The following SV2B variants were observed in gnomAD, a reference collection of about 807,000 sequenced individuals.
SV2B encodes synaptic vesicle glycoprotein 2B, also known as solute carrier family 22 member B2.
Under a neutral mutation model 73.9 loss-of-function variants are expected in SV2B, and 41 were observed. The ratio of observed to expected loss-of-function variants is 0.56; its 90% CI spans 0.43 to 0.72. The LOEUF is 0.72. Among genes scored for constraint, SV2B ranks in the 30% least tolerant of loss-of-function variants. SV2B has a pLI of 0.00. For missense variants in SV2B, 764 were observed against 857.8 expected (o/e 0.89, Z 1.37); for synonymous variants, 314 against 314.2 (o/e 1.00, Z 0.01).
intron 1 of SV2B, among the ~76,000 whole-genome samples, chr15:91,162,107 A>C (rs11858243): frequency 6.6e-6 from 1 of 152,006 alleles, no homozygotes; most frequent in Non-Finnish European, 1.5e-5. Flanking sequence ...AATACATGCT[A>C]TGAAGGTGTG....
chr15:91,291,908 G>A (rs1262973795), intron 12 of SV2B, among the ~76,000 whole-genome samples: 2 of 152,180 alleles, frequency 1.3e-5, no homozygotes, highest in African/African-American at 2.4e-5. Flanking sequence ...CAGCAAATCA[G>A]TCTGGGAAAT....
intron 1 of SV2B, among the ~76,000 whole-genome samples, chr15:91,180,973 T>G (rs1234765909): frequency 6.6e-6 from 1 of 152,244 alleles, no homozygotes; most frequent in African/African-American, 2.4e-5. Flanking sequence ...GGCGCTCTGC[T>G]TTTTAGAGTT....
At chr15:91,104,229 G>C (rs1183495414) in intron 1 of SV2B, among the ~76,000 whole-genome samples, 1 of 152,216 alleles carries the variant, frequency 6.6e-6, no homozygotes, top group Non-Finnish European at 1.5e-5. Flanking sequence ...CTTGATTTCA[G>C]CTGTGCTTGC....
chr15:91,292,540 G>A lies in SV2B; in HGVS notation c.2040G>A (p.Gln680=). The change falls in exon 13 of 13, where the codon CAG becomes CAA. Residue 680 remains glutamine, a synonymous_variant. Transcript: ENST00000394232. ...IALRLPETRE[Q]VLM ...TTCGACTGCCAGAGACTCGAGAACA[G>A]GTCCTGATGTGAACAACCTATGGGA... 2 of 1,613,146 alleles carry A rather than the reference G, an allele frequency of 1.2e-6. No homozygotes were observed. Among genetic ancestry groups the A allele is most frequent in the Non-Finnish European group, 1.7e-6 (2 of 1,179,738 alleles).
chr15:91,281,980 C>G lies in SV2B; in HGVS notation c.1507+119C>G. ...AGGAAAGTATTCGTAGATACAAATG[C>G]CAAGCCTTGGTGGGGAAATGGATTT... On this transcript the variant is annotated intron_variant, in intron 10 of 12. Transcript: ENST00000394232. The surrounding 1 kb of genome is among the most constrained non-coding windows in gnomAD (Gnocchi z 4.7). The G allele has an allele frequency of 1.6e-6, 2 of 1,214,076 alleles. No individual in the cohort carries two copies. The highest frequency in any genetic ancestry group is 1.1e-6 in the Non-Finnish European group (1 of 909,898). 75.2% of individuals were successfully genotyped at this position (1,214,076 alleles called of 1,614,324 possible).
rs745941772 is a variant in SV2B at position 91,284,239 on chromosome 15, T to C, written c.1708+18T>C. The C allele has an allele frequency of 1.1e-5, 18 of 1,613,706 alleles. No homozygotes were observed. In the South Asian group the frequency reaches 1.9e-4, roughly 17 times the overall value. ...GATGATTGGTGAGTTGCCAGCAGGGTCATTCCTGGGTTCCAACGCGCTGGG... is the reference window on the plus strand; with the variant it reads ...GATGATTGGTGAGTTGCCAGCAGGGCCATTCCTGGGTTCCAACGCGCTGGG... On this transcript the variant is annotated intron_variant, in intron 11 of 12. Coordinates refer to ENST00000394232, the MANE Select transcript of SV2B (RefSeq NM_001323032.3). The surrounding 1 kb of genome is among the most constrained non-coding windows in gnomAD (Gnocchi z 4.5).
rs897765609 is a variant in SV2B, at chr15:91,241,998, G to A, written c.452-9821G>A. 1.4e-5 allele frequency among the ~76,000 whole-genome samples: 2 copies of A among 141,662 alleles called. No homozygotes were observed. Among genetic ancestry groups the A allele is most frequent in the Admixed American group, 6.7e-5 (1 of 14,834 alleles). The allele number at this position is 141,662 out of a possible 152,430, so 92.9% of individuals were successfully genotyped here. ...CATCTTTAAGCAGGAGTTAATCCTCGCCTCTTCAGAAACCTGCTCTTGTCT... is the reference window on the plus strand; with the variant it reads ...CATCTTTAAGCAGGAGTTAATCCTCACCTCTTCAGAAACCTGCTCTTGTCT... On this transcript the variant is annotated intron_variant, in intron 2 of 12. Transcript: ENST00000394232. The surrounding 1 kb of genome is among the most constrained non-coding windows in gnomAD (Gnocchi z 4.8).
intron 1 of SV2B, among the ~76,000 whole-genome samples, chr15:91,202,440 T>A (rs1245027433): frequency 6.6e-6 from 1 of 152,270 alleles, no homozygotes; most frequent in Non-Finnish European, 1.5e-5. Flanking sequence ...ACCAACATTG[T>A]GTCTTCTTAT....
intron 1 of SV2B, among the ~76,000 whole-genome samples, chr15:91,221,908 G>T (rs775880432): frequency 1.3e-5 from 2 of 151,978 alleles, no homozygotes; most frequent in Non-Finnish European, 2.9e-5. Context: ...CCCTGAGCAG[G>T]GTATTCAGAC....
intron 1 of SV2B, among the ~76,000 whole-genome samples, chr15:91,134,618 G>A (rs1363451413): frequency 6.6e-6 from 1 of 152,184 alleles, no homozygotes; most frequent in Non-Finnish European, 1.5e-5. Context: ...GCTCTGGAAT[G>A]AAATGTTTTG....
In SV2B at chr15:91,232,751, G is replaced by T. The variant is rs1369119937; in HGVS notation, c.451+6037G>T. ...TTCAACTTCTATTTTAGATTCAGTG[G>T]GTACATGTGCAGGTTTGTTACATAG... On this transcript the variant is annotated intron_variant, in intron 2 of 12. Coordinates refer to ENST00000394232, the MANE Select transcript of SV2B (RefSeq NM_001323032.3). This position sits in a 1 kb window ranked among gnomAD's most constrained non-coding sequence, Gnocchi z 4.7. 6.6e-6 allele frequency among the ~76,000 whole-genome samples: 1 copy of T among 152,058 alleles called. No individual in the cohort carries two copies. The highest frequency in any genetic ancestry group is 1.5e-5 in the Non-Finnish European group (1 of 68,020).
At chr15:91,184,573 G>A (rs2044703410) in intron 1 of SV2B, among the ~76,000 whole-genome samples, 1 of 152,110 alleles carries the variant, frequency 6.6e-6, no homozygotes, top group South Asian at 2.1e-4. Flanking sequence ...ACTCATCACT[G>A]TGGTACCTTT....
At chr15:91,286,194 C>G (rs1299359661) in intron 11 of SV2B, among the ~76,000 whole-genome samples, 1 of 152,174 alleles carries the variant, frequency 6.6e-6, no homozygotes, top group Non-Finnish European at 1.5e-5. Flanking sequence ...TCGGCTGTGA[C>G]ATTGGCAAGT....
chr15:91,252,133 T>C lies in SV2B; in HGVS notation c.632+134T>C. On this transcript the variant is annotated intron_variant, in intron 3 of 12. Transcript: ENST00000394232. The surrounding 1 kb of genome is among the most constrained non-coding windows in gnomAD (Gnocchi z 4.6). The stretch of plus-strand genomic sequence containing the variant: ...TTGTTTGACTTTCAGGATACTATAT[T>C]AAAGTTGAACCTTAGAAAGAGTTAG... The C allele has an allele frequency of 7.9e-7, 1 of 1,272,462 alleles. No individual in the cohort carries two copies. The highest frequency in any genetic ancestry group is 1.1e-6 in the Non-Finnish European group (1 of 932,898). The allele number at this position is 1,272,462 out of a possible 1,614,324, so 78.8% of individuals were successfully genotyped here. A position where few individuals can be genotyped will look rare whatever the true frequency, so the allele number is the denominator to read the frequency against.
At position 91,265,137 on chromosome 15, in the gene SV2B, G is replaced by A. The variant is rs1002969199; in HGVS notation, c.1009-1445G>A. Among the ~76,000 whole-genome samples, 3 of 152,186 alleles carry A rather than the reference G, an allele frequency of 2.0e-5. No individual in the cohort carries two copies. Among genetic ancestry groups the A allele is most frequent in the Non-Finnish European group, 2.9e-5 (2 of 68,038 alleles). On this transcript the variant is annotated intron_variant, in intron 6 of 12. Coordinates refer to ENST00000394232, the MANE Select transcript of SV2B (RefSeq NM_001323032.3). This position sits in a 1 kb window ranked among gnomAD's most constrained non-coding sequence, Gnocchi z 4.2. ...GGTGTTACCTGTTTTACTCCTGTGC[G>A]TGTCCCATCAGCAGACGTGCTCATA...
rs1346261432 is a variant in SV2B, at chr15:91,295,439, AT to A, written c.*2891del. Reference sequence around the variant, plus strand: ...ACCTTAAGGACTGGGGTTAGAGATTATTTTCAGGCACTAAGGTCTCTTCTGT... The same window carrying A: ...ACCTTAAGGACTGGGGTTAGAGATTATTTCAGGCACTAAGGTCTCTTCTGT... On this transcript the variant is annotated 3_prime_UTR_variant, in exon 13 of 13. Coordinates refer to ENST00000394232, the MANE Select transcript of SV2B (RefSeq NM_001323032.3). The A allele has an allele frequency of 6.6e-6, 1 of 152,170 alleles. No homozygotes were observed. Among genetic ancestry groups the A allele is most frequent in the Non-Finnish European group, 1.5e-5 (1 of 68,036 alleles). 9.4% of individuals were successfully genotyped at this position (152,170 alleles called of 1,614,324 possible).
At chr15:91,189,284 G>A (rs1033436045) in intron 1 of SV2B, among the ~76,000 whole-genome samples, 7 of 151,552 alleles carry the variant, frequency 4.6e-5, no homozygotes, top group South Asian at 2.1e-4. Flanking sequence ...TCTCACCTCC[G>A]TCCCCATTTA....
intron 1 of SV2B, among the ~76,000 whole-genome samples, chr15:91,131,795 T>G (rs1244397443): frequency 6.6e-6 from 1 of 152,158 alleles, no homozygotes; most frequent in Non-Finnish European, 1.5e-5. Flanking sequence ...AAACCCCGTC[T>G]CTACTAAAAA....
In SV2B at chr15:91,121,212, G is replaced by A. The variant is rs964084164; in HGVS notation, c.-392+20849G>A. On this transcript the variant is annotated intron_variant, in intron 1 of 12. Transcript: ENST00000394232. This position sits in a 1 kb window ranked among gnomAD's most constrained non-coding sequence, Gnocchi z 4.4. The stretch of plus-strand genomic sequence containing the variant: ...GTTTAGTGAGCACCGCTGATTTCGA[G>A]TCAAAGTTTTCTTCACCTCAGGCGA... Among the ~76,000 whole-genome samples, 7 of 152,092 alleles carry A rather than the reference G, an allele frequency of 4.6e-5. No individual in the cohort carries two copies. Among genetic ancestry groups the A allele is most frequent in the African/African-American group, 1.7e-4 (7 of 41,394 alleles).
Sources: allele counts gnomAD v4.1 joint callset (sites outside exome capture counted in the v4.1 genomes callset), GRCh38; gene constraint gnomAD v4.1.1; non-coding constraint Gnocchi (gnomAD v3.1); transcripts MANE v1.5; gene names NCBI Gene and HGNC (gene_info 2026-07-23, HGNC 2026-07-21).